Variants in ASTN2 observed in about 807,000 individuals in gnomAD.
ASTN2 encodes the protein astrotactin-2.
Under a neutral mutation model 139.8 loss-of-function variants are expected in ASTN2, and 54 were observed. The ratio of observed to expected loss-of-function variants is 0.39; its 90% confidence interval spans 0.31 to 0.48. The LOEUF (loss-of-function observed/expected upper bound fraction) is 0.48. ASTN2 is among the 20% of genes least tolerant of loss of function. ASTN2 has a pLI of 0.95. For missense variants in ASTN2, 1,565 were observed against 1,725.1 expected (o/e 0.91, Z 1.64); for synonymous variants, 756 against 719.5 (o/e 1.05, Z -0.81).
rs1442270390 is a variant in ASTN2, at chr9:117,144,666, T to C, written c.1016-3188A>G. 8.7e-4 allele frequency among the ~76,000 whole-genome samples: 6 copies of C among 6,900 alleles called. No individual in the cohort carries two copies. In the South Asian group the frequency reaches 0.04, roughly 46 times the overall value. The allele number at this position is 6,900 out of a possible 152,430, so 4.5% of individuals were successfully genotyped here. ...TTGAGAGGAGTGAACACTAGTTTTT[T>C]TTTTTTTTTTTTTTTTTTTTTTTTT... On this transcript the variant is annotated intron_variant, in intron 3 of 22. Transcript: ENST00000313400.
intron 12 of ASTN2, among the ~76,000 whole-genome samples, chr9:116,814,635 G>A (rs184067774): frequency 1.1e-4 from 17 of 152,198 alleles, no homozygotes; most frequent in African/African-American, 4.1e-4. Flanking sequence ...GTTAAAATGT[G>A]GAAAATATGG....
At chr9:116,574,787 G>A (rs1223197815) in intron 19 of ASTN2, among the ~76,000 whole-genome samples, 1 of 152,174 alleles carries the variant, frequency 6.6e-6, no homozygotes, top group Admixed American at 6.5e-5. Flanking sequence ...GATGTATCAG[G>A]GCAACATCTC....
chr9:117,300,821 A>G (rs1331268530), intron 1 of ASTN2, among the ~76,000 whole-genome samples: 1 of 152,148 alleles, frequency 6.6e-6, no homozygotes, highest in Non-Finnish European at 1.5e-5. Flanking sequence ...TCTGGAAAGA[A>G]TGGTACTCTT....
chr9:116,955,852 T>C (rs1213582705), intron 10 of ASTN2, among the ~76,000 whole-genome samples: 2 of 152,230 alleles, frequency 1.3e-5, no homozygotes, highest in Non-Finnish European at 2.9e-5. Flanking sequence ...TCTGTGGATA[T>C]AATGAGCAAG....
At chr9:117,354,943 C>T (rs4837135) in intron 1 of ASTN2, among the ~76,000 whole-genome samples, 70,630 of 152,028 alleles carry the variant, frequency 0.46, 17,793 homozygotes, top group East Asian at 0.94. Context: ...GCCCTAAACA[C>T]ATCTATACTA....
intron 10 of ASTN2, among the ~76,000 whole-genome samples, chr9:116,871,764 G>A (rs1351436860): frequency 2.0e-5 from 3 of 151,994 alleles, no homozygotes; most frequent in African/African-American, 7.2e-5. Flanking sequence ...GACTAATGCT[G>A]CTATGAACAT....
chr9:116,906,642 G>A (rs1440858664), intron 10 of ASTN2, among the ~76,000 whole-genome samples: 1 of 149,934 alleles, frequency 6.7e-6, no homozygotes, highest in Non-Finnish European at 1.5e-5. Context: ...TAGACTGTCA[G>A]CTTCTAGGAG....
chr9:116,947,262 G>A (rs538243337), intron 10 of ASTN2, among the ~76,000 whole-genome samples: 55 of 152,108 alleles, frequency 3.6e-4, no homozygotes, highest in South Asian at 2.1e-4. Context: ...TGGGATTCAC[G>A]TTTTCTGTTC....
intron 2 of ASTN2, among the ~76,000 whole-genome samples, chr9:117,271,925 C>T (rs1158712662): frequency 6.6e-6 from 1 of 152,182 alleles, no homozygotes; most frequent in African/African-American, 2.4e-5. Context: ...GTGCACTGCA[C>T]AAGCTGTTGA....
Position 116,459,786 on chromosome 9 carries a change from C to T in ASTN2, c.3498-17233G>A, listed in dbSNP as rs999622475. Among the ~76,000 whole-genome samples the T allele has an allele frequency of 3.9e-5, 6 of 151,968 alleles. No individual in the cohort carries two copies. The South Asian group carries it at 1.0e-3, about 26-fold the overall frequency. On this transcript the variant is annotated intron_variant, in intron 20 of 22. Transcript: ENST00000313400. ...GCAAGGATATGGAGAAATTGAAATC[C>T]TCATATATTGGTGGTGGAAATGCAG...
intron 19 of ASTN2, among the ~76,000 whole-genome samples, chr9:116,560,762 G>A (rs1852860997): frequency 6.6e-6 from 1 of 152,160 alleles, no homozygotes; most frequent in Non-Finnish European, 1.5e-5. Flanking sequence ...GCATTCAATA[G>A]ATATTTTTTG....
intron 16 of ASTN2, among the ~76,000 whole-genome samples, chr9:116,725,026 A>G (rs1236517421): frequency 6.6e-6 from 1 of 152,188 alleles, no homozygotes; most frequent in Admixed American, 6.5e-5. Flanking sequence ...AAACACATAT[A>G]TACACATGTG....
chr9:117,342,834 C>T (rs1173917726), intron 1 of ASTN2, among the ~76,000 whole-genome samples: 1 of 152,162 alleles, frequency 6.6e-6, no homozygotes, highest in Non-Finnish European at 1.5e-5. Context: ...TCCCTGATGA[C>T]CTTCAGTGGC....
At chr9:116,581,397 T>G (rs1853946016) in intron 19 of ASTN2, among the ~76,000 whole-genome samples, 1 of 152,168 alleles carries the variant, frequency 6.6e-6, no homozygotes, top group Non-Finnish European at 1.5e-5. Flanking sequence ...CCTGGTTACC[T>G]GGTGCCCCAG....
intron 4 of ASTN2, among the ~76,000 whole-genome samples, chr9:117,120,018 G>GTGTGTGTATATATATATATATATATATA (rs1306397698): frequency 2.2e-5 from 1 of 45,998 alleles, no homozygotes; most frequent in Non-Finnish European, 3.9e-5. Flanking sequence ...GTGTGTGTGT[G>GTGTGTGTATATATATATATATATATATA]TATATATATA....
rs76376154 is a variant in ASTN2, at chr9:116,892,924, G to T, written c.1890-29191C>A. ...TAGTGCAATTATTAATTGCCTGCCT[G>T]AAATTCAAATTCAACTGGGTACTCA... On this transcript the variant is annotated intron_variant, in intron 10 of 22. Coordinates refer to ENST00000313400, the MANE Select transcript of ASTN2 (RefSeq NM_001365068.1). 2.8e-3 allele frequency among the ~76,000 whole-genome samples: 426 copies of T among 152,244 alleles called. 1 individual carries two copies. Among genetic ancestry groups the T allele is most frequent in the Non-Finnish European group, 3.9e-3 (263 of 68,032 alleles).
At chr9:116,553,972 G>C (rs1357441419) in intron 19 of ASTN2, among the ~76,000 whole-genome samples, 1 of 152,196 alleles carries the variant, frequency 6.6e-6, no homozygotes, top group Non-Finnish European at 1.5e-5. Context: ...ATGAACGAAT[G>C]AATGAATGTA....
intron 13 of ASTN2, among the ~76,000 whole-genome samples, chr9:116,783,827 A>G (rs1199536557): frequency 2.0e-5 from 3 of 152,154 alleles, no homozygotes; most frequent in Non-Finnish European, 4.4e-5. Context: ...CTAACCCACA[A>G]AATCTTATGC....
At position 117,178,719 on chromosome 9, in the gene ASTN2, A is replaced by G. The variant is rs925223921; in HGVS notation, c.1015+35639T>C. On this transcript the variant is annotated intron_variant, in intron 3 of 22. Transcript: ENST00000313400. ...ACTCAGATCCAATTAGCAAGGGCACAGAGAAGACGCAGGCAGGGAAATCAA... is the reference window on the plus strand; with the variant it reads ...ACTCAGATCCAATTAGCAAGGGCACGGAGAAGACGCAGGCAGGGAAATCAA... Among the ~76,000 whole-genome samples, 4 of 152,246 alleles carry G rather than the reference A, an allele frequency of 2.6e-5. No individual in the cohort carries two copies. The East Asian group carries it at 7.7e-4, about 29-fold the overall frequency.
Sources: allele counts gnomAD v4.1 joint callset (sites outside exome capture counted in the v4.1 genomes callset), GRCh38; gene constraint gnomAD v4.1.1; transcripts MANE v1.5; gene names NCBI Gene and HGNC (gene_info 2026-07-23, HGNC 2026-07-21).